TEX11: variants seen among roughly 807,000 people sequenced by gnomAD.
TEX11 encodes the protein testis-expressed protein 11.
A neutral mutation model predicts 84.4 loss-of-function variants in TEX11; 7 were observed. That is an observed-to-expected ratio of 0.08 (90% confidence interval 0.05 to 0.16). The LOEUF (loss-of-function observed/expected upper bound fraction) is 0.16, where lower values mean the gene tolerates loss of function less well. Ranked by LOEUF, TEX11 falls within the 10% of genes least tolerant of loss-of-function variation. TEX11 has a pLI of 1.00. For missense variants in TEX11, 551 were observed against 660.5 expected, an observed-to-expected ratio of 0.83 and a Z score of 1.82; for synonymous variants, 264 against 222.8, an observed-to-expected ratio of 1.18 and a Z score of -1.64.
intron 23 of TEX11, 53 bp from the exon 24 acceptor site, chrX:70,605,570 A>G (rs2089186916): frequency 1.2e-6 from 1 of 851,644 alleles, no homozygotes; most frequent in Non-Finnish European, 1.7e-6. Context: ...TGCCAGGTGA[A>G]CACAAACAAT....
intron 18 of TEX11, among the ~76,000 whole-genome samples, chrX:70,625,219 A>G (rs1288890360): frequency 9.0e-6 from 1 of 110,751 alleles, no homozygotes; most frequent in Non-Finnish European, 1.9e-5. Flanking sequence ...CCCACTTATT[A>G]GCAGTAAACA....
At chrX:70,768,072 C>G (rs376668065) in intron 9 of TEX11, among the ~76,000 whole-genome samples, 1 of 110,708 alleles carries the variant, frequency 9.0e-6, no homozygotes, top group Non-Finnish European at 1.9e-5. Context: ...TATTTGATAG[C>G]GCAACAGGGA....
At chrX:70,837,144 A>G (rs1381399019) in intron 7 of TEX11, among the ~76,000 whole-genome samples, 1 of 112,575 alleles carries the variant, frequency 8.9e-6, no homozygotes, top group East Asian at 2.8e-4. Context: ...AAAAACCTGT[A>G]TGGAAATGTT....
intron 3 of TEX11, among the ~76,000 whole-genome samples, chrX:70,878,877 T>C (rs1247388421): frequency 2.7e-5 from 3 of 111,794 alleles, no homozygotes; most frequent in Non-Finnish European, 5.6e-5. Context: ...AATGAAAACG[T>C]TCATGAATAG....
At chrX:70,851,666 TACACAC>T (rs55903537) in intron 7 of TEX11, among the ~76,000 whole-genome samples, 35 of 92,008 alleles carry the variant, frequency 3.8e-4, no homozygotes, top group African/African-American at 1.3e-3. Context: ...ATTAAAAACA[TACACAC>T]ACACACACAC....
At chrX:70,860,111 C>T (rs774650993) in intron 5 of TEX11, among the ~76,000 whole-genome samples, 1 of 112,097 alleles carries the variant, frequency 8.9e-6, no homozygotes, top group African/African-American at 3.2e-5. Flanking sequence ...GACTGTCCCA[C>T]TCTAAACAAC....
At chrX:70,758,898 G>A (rs2090888523) in intron 9 of TEX11, among the ~76,000 whole-genome samples, 1 of 110,946 alleles carries the variant, frequency 9.0e-6, no homozygotes, top group African/African-American at 3.3e-5. Context: ...AAAGAAAGAA[G>A]AATCAAATAG....
At chrX:70,806,163 A>G (rs1243498935) in intron 9 of TEX11, among the ~76,000 whole-genome samples, 3 of 112,383 alleles carry the variant, frequency 2.7e-5, no homozygotes, top group Non-Finnish European at 5.6e-5. Flanking sequence ...TATATTAAGA[A>G]GAGAACACTG....
At chrX:70,799,514 C>T (rs924514839) in intron 9 of TEX11, among the ~76,000 whole-genome samples, 1 of 111,906 alleles carries the variant, frequency 8.9e-6, no homozygotes, top group South Asian at 3.7e-4. Context: ...CATTCTTTGG[C>T]CCTCCAGAAA....
chrX:70,596,017 C>CA (rs1038259155), intron 24 of TEX11, among the ~76,000 whole-genome samples: 32 of 103,325 alleles, frequency 3.1e-4, no homozygotes, highest in East Asian at 6.0e-4. Flanking sequence ...GACTCTAAAA[C>CA]AAAAAAAAAA....
At chrX:70,789,921 T>C (rs1412477147) in intron 9 of TEX11, among the ~76,000 whole-genome samples, 1 of 112,244 alleles carries the variant, frequency 8.9e-6, no homozygotes, top group African/African-American at 3.2e-5. Flanking sequence ...AAATGTAGCA[T>C]TATATACACA....
At chrX:70,618,971 C>T (rs960256995) in intron 20 of TEX11, among the ~76,000 whole-genome samples, 1 of 111,218 alleles carries the variant, frequency 9.0e-6, no homozygotes, top group East Asian at 2.8e-4. Flanking sequence ...GGGGGTGGGG[C>T]TAAGGAAGTG....
intron 9 of TEX11, among the ~76,000 whole-genome samples, chrX:70,782,307 T>TC (rs1307447703): frequency 6.3e-5 from 7 of 110,950 alleles, no homozygotes; most frequent in African/African-American, 1.6e-4. Flanking sequence ...TTACAAGAGC[T>TC]CCTGAAGGAA....
intron 8 of TEX11, among the ~76,000 whole-genome samples, chrX:70,814,685 C>T (rs1166918369): frequency 8.8e-6 from 1 of 113,104 alleles, no homozygotes; most frequent in African/African-American, 3.2e-5. Flanking sequence ...TTGTGTCCCA[C>T]AGAGCAGCAA....
At chrX:70,807,759 A>C (rs943681225) in intron 8 of TEX11, among the ~76,000 whole-genome samples, 2 of 111,387 alleles carry the variant, frequency 1.8e-5, no homozygotes, top group African/African-American at 6.5e-5. Context: ...ACATAGCAGA[A>C]GTTCAATATG....
At chrX:70,777,051 T>A (rs904791023) in intron 9 of TEX11, among the ~76,000 whole-genome samples, 15 of 107,881 alleles carry the variant, frequency 1.4e-4, no homozygotes, top group African/African-American at 4.4e-4. Flanking sequence ...ATTATTATTT[T>A]TTTTTTTGTA....
intron 13 of TEX11, among the ~76,000 whole-genome samples, chrX:70,711,044 T>C (rs1391332255): frequency 2.2e-4 from 24 of 109,742 alleles, no homozygotes; most frequent in Admixed American, 1.9e-3. Context: ...TGGTGTTTGG[T>C]TTTTTGTCCT....
At chrX:70,887,782 G>C (rs920061560) in intron 2 of TEX11, among the ~76,000 whole-genome samples, 3 of 112,633 alleles carry the variant, frequency 2.7e-5, no homozygotes, top group Non-Finnish European at 5.6e-5. Context: ...CCTTGGGGGA[G>C]ACCCAGTACT....
At chrX:70,671,866 T>A (rs1054833610) in intron 15 of TEX11, among the ~76,000 whole-genome samples, 1 of 92,127 alleles carries the variant, frequency 1.1e-5, no homozygotes, top group East Asian at 3.5e-4. Context: ...ATATTTAAAC[T>A]GTACAATTGT....
Sources: gnomAD v4.1 joint callset for allele counts (sites outside exome capture counted in the v4.1 genomes callset) on GRCh38, gnomAD v4.1.1 for gene constraint, MANE v1.5 for transcripts, NCBI Gene and HGNC (gene_info 2026-07-23, HGNC 2026-07-21) for gene names.